Variants in OPCML observed in about 807,000 individuals in gnomAD.
OPCML encodes opioid-binding protein/cell adhesion molecule.
Under a neutral mutation model 37.8 loss-of-function variants are expected in OPCML, and 13 were observed. That is an observed-to-expected ratio of 0.34 (90% confidence interval 0.22 to 0.55). The LOEUF (loss-of-function observed/expected upper bound fraction) is 0.55, where lower values mean the gene tolerates loss of function less well. Among genes scored for constraint, OPCML ranks in the 20% least tolerant of loss-of-function variants. The pLI, the probability that OPCML is intolerant of heterozygous loss-of-function variation, is 0.91. For missense variants in OPCML, 341 were observed against 435.6 expected (o/e 0.78, Z 1.93); for synonymous variants, 176 against 168.8 (o/e 1.04, Z -0.33).
chr11:133,155,354 C>A (rs2137201570), intron 1 of OPCML, among the ~76,000 whole-genome samples: 1 of 152,276 alleles, frequency 6.6e-6, no homozygotes, highest in Middle Eastern at 3.4e-3. Flanking sequence ...CTGTCGAGCT[C>A]TGAAGAGCTC....
intron 6 of OPCML, 21 bp downstream of exon 6, chr11:132,436,638 C>T: frequency 6.2e-7 from 1 of 1,613,914 alleles, no homozygotes; most frequent in Non-Finnish European, 8.5e-7. Context: ...CAGAACTGTC[C>T]AGGTGTCATT....
At chr11:132,643,136 G>A (rs1184018944) in intron 3 of OPCML, among the ~76,000 whole-genome samples, 1 of 152,120 alleles carries the variant, frequency 6.6e-6, no homozygotes, top group South Asian at 2.1e-4. Flanking sequence ...AAACAGCCAG[G>A]CATGGTGGCA....
At chr11:133,018,411 T>C (rs1161182604) in intron 1 of OPCML, among the ~76,000 whole-genome samples, 1 of 152,118 alleles carries the variant, frequency 6.6e-6, no homozygotes, top group African/African-American at 2.4e-5. Context: ...TTCCTTTCCT[T>C]CTCTCTTTTC....
intron 1 of OPCML, among the ~76,000 whole-genome samples, chr11:133,310,664 C>T (rs1943048116): frequency 6.6e-6 from 1 of 152,116 alleles, no homozygotes; most frequent in Admixed American, 6.5e-5. Context: ...TTGCTAAATG[C>T]CCAAGCACTA....
chr11:133,236,218 C>A (rs1441588933), intron 1 of OPCML, among the ~76,000 whole-genome samples: 1 of 152,084 alleles, frequency 6.6e-6, no homozygotes, highest in Non-Finnish European at 1.5e-5. Flanking sequence ...ATCTGGTAAC[C>A]AAGGCAGCTG....
intron 1 of OPCML, among the ~76,000 whole-genome samples, chr11:133,252,715 G>A (rs919899851): frequency 2.0e-5 from 3 of 152,100 alleles, no homozygotes; most frequent in East Asian, 1.9e-4. Context: ...ACAGCCACTC[G>A]GGCTTTTTTT....
At chr11:132,502,049 C>T (rs2137127403) in intron 4 of OPCML, among the ~76,000 whole-genome samples, 1 of 152,240 alleles carries the variant, frequency 6.6e-6, no homozygotes, top group East Asian at 1.9e-4. Flanking sequence ...ATACTCAAGA[C>T]CAAAAGACAT....
chr11:132,823,817 A>G (rs1170042824), intron 2 of OPCML, among the ~76,000 whole-genome samples: 1 of 151,878 alleles, frequency 6.6e-6, no homozygotes, highest in Non-Finnish European at 1.5e-5. Context: ...CTCCCCTCCT[A>G]TGGTTAACCT....
At chr11:133,151,315 GAAAA>G (rs986146162) in intron 1 of OPCML, among the ~76,000 whole-genome samples, 6 of 151,656 alleles carry the variant, frequency 4.0e-5, no homozygotes, top group African/African-American at 1.2e-4. Flanking sequence ...AGGGGAAAAA[GAAAA>G]AAACTTTAAA....
chr11:133,108,210 G>T (rs1040864866), intron 1 of OPCML, among the ~76,000 whole-genome samples: 1 of 152,144 alleles, frequency 6.6e-6, no homozygotes, highest in Non-Finnish European at 1.5e-5. Flanking sequence ...CAGTGTCAAG[G>T]TACACTTTCA....
intron 2 of OPCML, among the ~76,000 whole-genome samples, chr11:132,932,451 T>C (rs1471239556): frequency 6.6e-6 from 1 of 152,036 alleles, no homozygotes. Flanking sequence ...ACAGGGTGCG[T>C]TTTACTTTAA....
intron 1 of OPCML, among the ~76,000 whole-genome samples, chr11:133,207,598 C>T (rs79618519): frequency 0.039 from 5,878 of 152,174 alleles, 132 homozygotes; most frequent in Middle Eastern, 0.071. Flanking sequence ...CTAGGGTTAG[C>T]AGAACTAGAT....
rs557082240 is a variant in OPCML, at chr11:133,130,538, G to A, written c.62-187528C>T. 1.4e-4 allele frequency among the ~76,000 whole-genome samples: 22 copies of A among 152,116 alleles called. 1 individual carries two copies. The South Asian group carries it at 2.9e-3, about 20-fold the overall frequency. On this transcript the variant is annotated intron_variant, in intron 1 of 7. Transcript: ENST00000524381. ...AAAGACCTAAATAAATTGATATTTC[G>A]TGTTCATAGATAGAAAGACAATATT...
chr11:133,221,382 G>A (rs982806726), intron 1 of OPCML, among the ~76,000 whole-genome samples: 2 of 152,214 alleles, frequency 1.3e-5, no homozygotes, highest in African/African-American at 4.8e-5. Flanking sequence ...ACAACTGCAT[G>A]ACCTGAGCAA....
intron 1 of OPCML, among the ~76,000 whole-genome samples, chr11:133,221,719 T>G (rs1239922037): frequency 1.3e-5 from 2 of 152,178 alleles, no homozygotes; most frequent in Non-Finnish European, 1.5e-5. Flanking sequence ...CGAGTGTGAC[T>G]GCAGAGAATG....
chr11:132,846,114 A>AGTGT (rs1941527345), intron 2 of OPCML, among the ~76,000 whole-genome samples: 1 of 152,222 alleles, frequency 6.6e-6, no homozygotes, highest in Admixed American at 6.5e-5. Context: ...TCGGGGGGAA[A>AGTGT]TTCATTTACA....
Position 132,814,318 on chromosome 11 carries a change from T to G in OPCML, c.146+128608A>C, listed in dbSNP as rs118162382. ...TATGAGAAATTGGCTCATACGGTTA[T>G]GGAGGCTGAGAAACTTCATAATCTG... On this transcript the variant is annotated intron_variant, in intron 2 of 7. Transcript: ENST00000524381. 1.9e-4 allele frequency among the ~76,000 whole-genome samples: 29 copies of G among 152,286 alleles called. No homozygotes were observed. In the East Asian group the frequency reaches 5.4e-3, roughly 29 times the overall value.
chr11:132,851,085 T>C (rs1941788355), intron 2 of OPCML, among the ~76,000 whole-genome samples: 1 of 152,212 alleles, frequency 6.6e-6, no homozygotes, highest in South Asian at 2.1e-4. Flanking sequence ...CCTTTATTTA[T>C]GAATATAGAT....
chr11:133,160,062 C>G (rs1382820149), intron 1 of OPCML, among the ~76,000 whole-genome samples: 1 of 152,240 alleles, frequency 6.6e-6, no homozygotes, highest in Admixed American at 6.5e-5. Flanking sequence ...ACAAACCTGA[C>G]AGAAAGGATT....
Sources: allele counts gnomAD v4.1 joint callset (sites outside exome capture counted in the v4.1 genomes callset), GRCh38; gene constraint gnomAD v4.1.1; transcripts MANE v1.5; gene names NCBI Gene and HGNC (gene_info 2026-07-23, HGNC 2026-07-21).